The following ASTN2 variants were observed in gnomAD, a reference collection of about 807,000 sequenced individuals.
ASTN2 encodes astrotactin 2.
In ASTN2, 54 loss-of-function variants were observed where a neutral mutation model predicts 139.8. That is an observed-to-expected ratio of 0.39 (90% CI 0.31 to 0.48). The LOEUF is 0.48. Among genes scored for constraint, ASTN2 ranks in the 20% least tolerant of loss-of-function variants. The pLI is 0.95. For missense variants in ASTN2, 1,565 were observed against 1,725.1 expected, an observed-to-expected ratio of 0.91 and a Z score of 1.64; for synonymous variants, 756 against 719.5, an observed-to-expected ratio of 1.05 and a Z score of -0.81.
intron 7 of ASTN2, among the ~76,000 whole-genome samples, chr9:116,980,978 TAGGGAACTCC>T (rs1194305311): frequency 6.6e-6 from 1 of 152,152 alleles, no homozygotes; most frequent in East Asian, 1.9e-4. Flanking sequence ...TGTATAGGGA[TAGGGAACTCC>T]CTATCCCTAT....
At chr9:116,640,076 T>C (rs1354581291) in intron 17 of ASTN2, among the ~76,000 whole-genome samples, 2 of 152,156 alleles carry the variant, frequency 1.3e-5, no homozygotes, top group Non-Finnish European at 2.9e-5. Flanking sequence ...TTTGACTTAA[T>C]ATAAGAAAGG....
chr9:117,143,865 A>G (rs1231459571), intron 3 of ASTN2, among the ~76,000 whole-genome samples: 1 of 152,126 alleles, frequency 6.6e-6, no homozygotes, highest in Non-Finnish European at 1.5e-5. Flanking sequence ...AAGTTCAATC[A>G]GATCAGGGCC....
chr9:116,565,457 TC>T (rs1399558326), intron 19 of ASTN2, among the ~76,000 whole-genome samples: 2 of 141,856 alleles, frequency 1.4e-5, no homozygotes, highest in Non-Finnish European at 3.0e-5. Context: ...AGACAGTGTC[TC>T]ACTTCATCAC....
intron 3 of ASTN2, among the ~76,000 whole-genome samples, chr9:117,149,701 C>T (rs1160630257): frequency 6.6e-6 from 1 of 152,124 alleles, no homozygotes; most frequent in Admixed American, 6.6e-5. Context: ...TAGGAGTCAC[C>T]TTTTCCTGAA....
intron 1 of ASTN2, among the ~76,000 whole-genome samples, chr9:117,355,109 G>A (rs1829501611): frequency 6.6e-6 from 1 of 151,988 alleles, no homozygotes; most frequent in Non-Finnish European, 1.5e-5. Context: ...AGGGGTCAGG[G>A]TGGGTGCTTA....
intron 13 of ASTN2, among the ~76,000 whole-genome samples, chr9:116,789,308 A>G (rs1307608176): frequency 6.6e-6 from 1 of 152,218 alleles, no homozygotes; most frequent in Non-Finnish European, 1.5e-5. Context: ...CAAAGTCCTC[A>G]GGCATACAAT....
intron 11 of ASTN2, among the ~76,000 whole-genome samples, chr9:116,821,643 GA>G (rs1481154892): frequency 1.3e-5 from 2 of 152,180 alleles, no homozygotes; most frequent in Non-Finnish European, 2.9e-5. Context: ...TAAAACATGT[GA>G]AGCTGCTATA....
chr9:117,301,052 A>G (rs759495825), intron 1 of ASTN2, among the ~76,000 whole-genome samples: 93 of 152,326 alleles, frequency 6.1e-4, no homozygotes, highest in Non-Finnish European at 1.1e-3. Context: ...AGAAGAATTA[A>G]GAGCTATTGG....
intron 1 of ASTN2, among the ~76,000 whole-genome samples, chr9:117,353,727 C>T (rs1456478039): frequency 6.6e-6 from 1 of 152,108 alleles, no homozygotes; most frequent in Non-Finnish European, 1.5e-5. Flanking sequence ...GCCCTAATCG[C>T]GCCATCTGCT....
intron 3 of ASTN2, among the ~76,000 whole-genome samples, chr9:117,155,057 G>A (rs763924978): frequency 5.3e-5 from 8 of 152,016 alleles, no homozygotes; most frequent in Non-Finnish European, 7.4e-5. Context: ...GGAGGGAACA[G>A]AGAAGAGATC....
At chr9:116,609,595 A>G (rs1855426813) in intron 19 of ASTN2, among the ~76,000 whole-genome samples, 1 of 151,824 alleles carries the variant, frequency 6.6e-6, no homozygotes, top group Non-Finnish European at 1.5e-5. Context: ...AGAAATAGTA[A>G]AAGACATCCT....
intron 2 of ASTN2, among the ~76,000 whole-genome samples, chr9:117,242,366 G>A (rs1274968832): frequency 6.6e-6 from 1 of 152,024 alleles, no homozygotes. Context: ...GTTTCTCCCT[G>A]TACCAAATGA....
intron 6 of ASTN2, among the ~76,000 whole-genome samples, chr9:117,013,226 T>A (rs1022495233): frequency 3.3e-5 from 5 of 152,166 alleles, no homozygotes; most frequent in Non-Finnish European, 7.4e-5. Context: ...TTCCATTTAT[T>A]TGGGAATACA....
rs538681509 is a variant in ASTN2, at chr9:116,551,830, G to A, written c.3356-64330C>T. On this transcript the variant is annotated intron_variant, in intron 19 of 22. Transcript: ENST00000313400. ...ACAGTATGAGAGGGTAAGAAATCAA[G>A]CTGGAGAGTGCGGGAGCAGGAACTT... 2.0e-5 allele frequency among the ~76,000 whole-genome samples: 3 copies of A among 152,290 alleles called. No individual in the cohort carries two copies. In the East Asian group the frequency reaches 5.8e-4, roughly 29 times the overall value.
chr9:116,458,096 C>T (rs955695596), intron 20 of ASTN2, among the ~76,000 whole-genome samples: 1 of 151,194 alleles, frequency 6.6e-6, no homozygotes, highest in Non-Finnish European at 1.5e-5. Flanking sequence ...ATAAGCCAGG[C>T]ACAGAAAGAC....
chr9:116,436,499 G>A (rs10983156), intron 22 of ASTN2, among the ~76,000 whole-genome samples: 2 of 152,098 alleles, frequency 1.3e-5, no homozygotes, highest in Non-Finnish European at 2.9e-5. Context: ...TACGACATAA[G>A]GGATCACTAA....
intron 3 of ASTN2, among the ~76,000 whole-genome samples, chr9:117,153,621 T>C (rs1344991415): frequency 2.0e-5 from 3 of 152,092 alleles, no homozygotes; most frequent in African/African-American, 7.2e-5. Flanking sequence ...AATACTACTT[T>C]AGGGCTTATT....
intron 3 of ASTN2, among the ~76,000 whole-genome samples, chr9:117,194,739 A>C (rs534322745): frequency 6.6e-6 from 1 of 152,334 alleles, no homozygotes; most frequent in African/African-American, 2.4e-5. Context: ...TATCAGATAA[A>C]GCTGGGTTCA....
In ASTN2 at chr9:116,716,720, G is replaced by T. The variant is rs370439831; in HGVS notation, c.2806+9051C>A. 4.2e-4 allele frequency among the ~76,000 whole-genome samples: 64 copies of T among 152,244 alleles called. 2 individuals are homozygous for T. Among genetic ancestry groups the T allele is most frequent in the African/African-American group, 1.4e-3 (59 of 41,544 alleles). On this transcript the variant is annotated intron_variant, in intron 16 of 22. Coordinates refer to ENST00000313400, the MANE Select transcript of ASTN2 (RefSeq NM_001365068.1). Reference sequence around the variant, plus strand: ...CAGGCCTGACTATGTGATTGCTAATGCCTCTTCCCACTCTGACTTTGTAAG... The same window carrying T: ...CAGGCCTGACTATGTGATTGCTAATTCCTCTTCCCACTCTGACTTTGTAAG...
Sources: allele counts gnomAD v4.1 joint callset (sites outside exome capture counted in the v4.1 genomes callset), GRCh38; gene constraint gnomAD v4.1.1; transcripts MANE v1.5; gene names NCBI Gene and HGNC (gene_info 2026-07-23, HGNC 2026-07-21).